Variants in SEMA6D observed in about 807,000 individuals in gnomAD.
The protein encoded by SEMA6D is semaphorin-6D.
SEMA6D carries 35 observed loss-of-function variants against 106.6 expected under a neutral mutation model. That is an observed-to-expected ratio of 0.33 (90% CI 0.25 to 0.44). SEMA6D has a LOEUF of 0.44. SEMA6D is among the 20% of genes least tolerant of loss of function. The probability of loss-of-function intolerance (pLI) is 1.00; values close to 1 mark genes in which losing one functional copy is unlikely to be tolerated. For missense variants in SEMA6D, 1,185 were observed against 1,345.9 expected (o/e 0.88, Z 1.87); for synonymous variants, 499 against 487.7 (o/e 1.02, Z -0.31).
At chr15:47,329,553 T>C (rs2037261326) in intron 1 of SEMA6D, among the ~76,000 whole-genome samples, 1 of 152,238 alleles carries the variant, frequency 6.6e-6, no homozygotes, top group Admixed American at 6.5e-5. Flanking sequence ...GGATTTACTT[T>C]AATAATTGCA....
At chr15:47,227,218 A>G (rs960906306) in intron 1 of SEMA6D, among the ~76,000 whole-genome samples, 7 of 152,064 alleles carry the variant, frequency 4.6e-5, no homozygotes, top group East Asian at 1.9e-4. Context: ...AAACAGCTAC[A>G]TATAAAATAA....
intron 1 of SEMA6D, among the ~76,000 whole-genome samples, chr15:47,734,895 G>A (rs915495805): frequency 9.9e-5 from 15 of 152,096 alleles, no homozygotes; most frequent in African/African-American, 2.9e-4. Flanking sequence ...TCTAGCCAAG[G>A]CCTACATGCA....
chr15:47,608,158 T>G (rs1187122518), intron 4 of SEMA6D, among the ~76,000 whole-genome samples: 1 of 152,200 alleles, frequency 6.6e-6, no homozygotes. Flanking sequence ...AGACTTGAAT[T>G]TTCTGCCGTT....
intron 1 of SEMA6D, among the ~76,000 whole-genome samples, chr15:47,372,125 C>T (rs1408517362): frequency 6.6e-6 from 1 of 152,224 alleles, no homozygotes; most frequent in Non-Finnish European, 1.5e-5. Flanking sequence ...ATTGCTTGGA[C>T]TTGGTGAAAG....
At chr15:47,716,436 G>C (rs946414659), upstream of SEMA6D, among the ~76,000 whole-genome samples, 14 of 152,298 alleles carry the variant, frequency 9.2e-5, no homozygotes, top group East Asian at 2.7e-3. Flanking sequence ...AGGAAAGGAA[G>C]TCCTTTCTGC....
At position 47,417,411 on chromosome 15, in the gene SEMA6D, A is replaced by G. The variant is rs866534736; in HGVS notation, c.-159+4939A>G. Among the ~76,000 whole-genome samples, 28 of 112,180 alleles carry G rather than the reference A, an allele frequency of 2.5e-4. 3 individuals are homozygous for G. Among genetic ancestry groups the G allele is most frequent in the Admixed American group, 2.1e-3 (20 of 9,396 alleles). The allele number at this position is 112,180 out of a possible 152,430, so 73.6% of individuals were successfully genotyped here. On this transcript the variant is annotated intron_variant, in intron 2 of 19. Coordinates refer to the SEMA6D transcript ENST00000558014. ...CTATCTGCTTATACTGTGTGTGTGTATATGTGTGTGTGTGTGTGTGTGTGT... is the reference window on the plus strand; with the variant it reads ...CTATCTGCTTATACTGTGTGTGTGTGTATGTGTGTGTGTGTGTGTGTGTGT...
intron 4 of SEMA6D, among the ~76,000 whole-genome samples, chr15:47,667,793 C>T (rs758394221): frequency 1.3e-5 from 2 of 152,076 alleles, no homozygotes; most frequent in African/African-American, 2.4e-5. Context: ...GATCAGATTT[C>T]GACATATGAA....
intron 1 of SEMA6D, among the ~76,000 whole-genome samples, chr15:47,252,674 C>T (rs138618017): frequency 1.3e-3 from 191 of 152,292 alleles, no homozygotes; most frequent in Middle Eastern, 3.4e-3. Flanking sequence ...TGACTTATTT[C>T]ACTTAACATT....
At chr15:47,706,622 A>G (rs1054875393) in intron 4 of SEMA6D, among the ~76,000 whole-genome samples, 1 of 152,178 alleles carries the variant, frequency 6.6e-6, no homozygotes, top group Non-Finnish European at 1.5e-5. Flanking sequence ...TAAAGACTGT[A>G]TCTTTTTCTT....
intron 3 of SEMA6D, among the ~76,000 whole-genome samples, chr15:47,596,204 A>T (rs538792215): frequency 3.3e-4 from 50 of 152,230 alleles, no homozygotes; most frequent in Non-Finnish European, 5.6e-4. Context: ...ACAAAAACTA[A>T]AATACCTAGG....
chr15:47,318,815 T>C (rs28789515), intron 1 of SEMA6D, among the ~76,000 whole-genome samples: 2,723 of 147,898 alleles, frequency 0.018, 27 homozygotes, highest in African/African-American at 0.021. Context: ...ATGGTATTTC[T>C]AGTTCTAGAT....
intron 1 of SEMA6D, among the ~76,000 whole-genome samples, chr15:47,214,687 A>G (rs1337589805): frequency 5.9e-5 from 9 of 152,306 alleles, no homozygotes; most frequent in Middle Eastern, 6.8e-3. Flanking sequence ...CAAATAAATA[A>G]CCATCTACAA....
intron 1 of SEMA6D, among the ~76,000 whole-genome samples, chr15:47,269,470 AAT>A (rs2034462570): frequency 6.6e-6 from 1 of 152,156 alleles, no homozygotes; most frequent in African/African-American, 2.4e-5. Flanking sequence ...ACATAAAATT[AAT>A]ATATCAATAT....
At chr15:47,635,102 T>C (rs76197970) in intron 4 of SEMA6D, among the ~76,000 whole-genome samples, 2,197 of 152,218 alleles carry the variant, frequency 0.014, 56 homozygotes, top group African/African-American at 0.05. Context: ...CCCCACCTTG[T>C]CACTCCTCAA....
chr15:47,740,829 C>G (rs1159584744), intron 1 of SEMA6D, among the ~76,000 whole-genome samples: 1 of 152,116 alleles, frequency 6.6e-6, no homozygotes, highest in Non-Finnish European at 1.5e-5. Flanking sequence ...TCTAGGGTGA[C>G]AGGGAAGAGG....
At position 47,433,567 on chromosome 15, in the gene SEMA6D, A is replaced by T. The variant is rs1420504831; in HGVS notation, c.-159+21095A>T. Among the ~76,000 whole-genome samples, 6 of 152,108 alleles carry T rather than the reference A, an allele frequency of 3.9e-5. 1 individual carries two copies. On this transcript the variant is annotated intron_variant, in intron 2 of 19. Coordinates refer to the SEMA6D transcript ENST00000558014. ...GATGTTTATGTGACTATTACATTTA[A>T]TTTATTTTTTGCTTTATTTTATCAG... is the stretch of plus-strand genomic sequence containing the variant.
intron 1 of SEMA6D, among the ~76,000 whole-genome samples, chr15:47,746,439 A>T (rs1015459191): frequency 2.0e-5 from 3 of 152,212 alleles, no homozygotes; most frequent in Admixed American, 2.0e-4. Context: ...CCTTTGTCAG[A>T]CAGGAATAGG....
rs144830746 is a variant in SEMA6D at position 47,676,865 on chromosome 15, G to A, written c.-55+75969G>A. 4.2e-3 allele frequency among the ~76,000 whole-genome samples: 636 copies of A among 151,532 alleles called. 10 individuals are homozygous for A. Among genetic ancestry groups the A allele is most frequent in the African/African-American group, 0.014 (600 of 41,420 alleles). On this transcript the variant is annotated intron_variant, in intron 4 of 19. Transcript: ENST00000558014. ...GATGGTGGTTGGGGCTTCAGTCTAC[G>A]AAAGCAGCAGTCTCCAACCTTTTTG...
intron 2 of SEMA6D, among the ~76,000 whole-genome samples, chr15:47,453,977 G>T (rs115112165): frequency 6.6e-6 from 1 of 151,934 alleles, no homozygotes; most frequent in African/African-American, 2.4e-5. Flanking sequence ...GATTGTGGCT[G>T]CCACTGCTTC....
Sources: gnomAD v4.1 joint callset for allele counts (sites outside exome capture counted in the v4.1 genomes callset) on GRCh38, gnomAD v4.1.1 for gene constraint, MANE v1.5 for transcripts, NCBI Gene and HGNC (gene_info 2026-07-23, HGNC 2026-07-21) for gene names.